PTPRG: variants seen among roughly 807,000 people sequenced by gnomAD.
PTPRG encodes the protein protein tyrosine phosphatase receptor type G.
In PTPRG, 102 loss-of-function variants were observed where a neutral mutation model predicts 165.3. The observed-to-expected ratio is 0.62, with a 90% CI of 0.53 to 0.73. PTPRG has a LOEUF of 0.73. Ranked by LOEUF, PTPRG falls within the 30% of genes least tolerant of loss-of-function variation. The pLI is 0.00. For missense variants in PTPRG, 1,866 were observed against 1,861.4 expected (o/e 1.00, Z -0.05); for synonymous variants, 675 against 669.5 (o/e 1.01, Z -0.13).
intron 4 of PTPRG, among the ~76,000 whole-genome samples, chr3:62,025,095 G>A (rs899122723): frequency 1.3e-5 from 2 of 152,130 alleles, no homozygotes; most frequent in African/African-American, 4.8e-5. Flanking sequence ...TCCAGTTTTC[G>A]TATGTGGGCA....
chr3:61,783,812 A>G (rs2034613238), intron 2 of PTPRG, among the ~76,000 whole-genome samples: 1 of 152,184 alleles, frequency 6.6e-6, no homozygotes, highest in African/African-American at 2.4e-5. Context: ...CTTGGGTTGC[A>G]TATCGGGGCC....
At chr3:61,963,603 A>C (rs375803617) in intron 2 of PTPRG, among the ~76,000 whole-genome samples, 1 of 152,198 alleles carries the variant, frequency 6.6e-6, no homozygotes, top group African/African-American at 2.4e-5. Flanking sequence ...GAATTTAAAG[A>C]CAGTATTTTA....
rs549467566 is a variant in PTPRG at position 62,013,051 on chromosome 3, ATTATT to A, written c.519+9568_519+9572del. On this transcript the variant is annotated intron_variant, in intron 4 of 29. Coordinates refer to ENST00000474889, the MANE Select transcript of PTPRG (RefSeq NM_002841.4). Reference sequence around the variant, plus strand: ...CCTTAAAAGAGGTAAAAAGGAAGATATTATTTTATTTTATTTTAACAAATATTTTT... The same window carrying A: ...CCTTAAAAGAGGTAAAAAGGAAGATATTATTTTATTTTAACAAATATTTTT... Among the ~76,000 whole-genome samples the A allele has an allele frequency of 3.5e-3, 538 of 152,252 alleles. 2 individuals are homozygous for A. Among genetic ancestry groups the A allele is most frequent in the Non-Finnish European group, 4.9e-3 (334 of 68,012 alleles).
At chr3:62,250,737 T>C (rs1576178924) in intron 15 of PTPRG, among the ~76,000 whole-genome samples, 1 of 152,190 alleles carries the variant, frequency 6.6e-6, no homozygotes, top group Non-Finnish European at 1.5e-5. Flanking sequence ...GTCAGCGTTA[T>C]CTCAGCTTTG....
intron 4 of PTPRG, among the ~76,000 whole-genome samples, chr3:62,022,291 A>G (rs1422679861): frequency 6.6e-6 from 1 of 152,244 alleles, no homozygotes; most frequent in Non-Finnish European, 1.5e-5. Context: ...TCAACATGTG[A>G]GAAGTCTTCC....
intron 28 of PTPRG, among the ~76,000 whole-genome samples, chr3:62,286,497 A>T (rs1012321858): frequency 1.3e-5 from 2 of 152,138 alleles, no homozygotes; most frequent in African/African-American, 4.8e-5. Flanking sequence ...TTAAATGCTC[A>T]CAGGTATTAT....
chr3:62,129,464 G>T (rs1703435355), intron 5 of PTPRG, among the ~76,000 whole-genome samples: 1 of 151,900 alleles, frequency 6.6e-6, no homozygotes, highest in African/African-American at 2.4e-5. Flanking sequence ...AGGCTGAGAA[G>T]TCCAAGAGAA....
chr3:62,139,936 G>C (rs1703860125), intron 6 of PTPRG, among the ~76,000 whole-genome samples: 1 of 152,234 alleles, frequency 6.6e-6, no homozygotes, highest in South Asian at 2.1e-4. Flanking sequence ...CATTTCCAGA[G>C]AGTGGAGAAA....
chr3:61,914,580 C>T (rs2038886204), intron 2 of PTPRG, among the ~76,000 whole-genome samples: 1 of 152,154 alleles, frequency 6.6e-6, no homozygotes, highest in Non-Finnish European at 1.5e-5. Flanking sequence ...TTAGTTAGAA[C>T]GGTCTTGGCC....
intron 5 of PTPRG, among the ~76,000 whole-genome samples, chr3:62,101,948 A>G (rs1191264354): frequency 6.6e-6 from 1 of 152,228 alleles, no homozygotes; most frequent in Non-Finnish European, 1.5e-5. Context: ...GATGTAAGCC[A>G]AAGAAAAAGT....
intron 2 of PTPRG, among the ~76,000 whole-genome samples, chr3:61,942,731 T>A (rs188616932): frequency 1.3e-5 from 2 of 152,380 alleles, no homozygotes; most frequent in East Asian, 3.9e-4. Context: ...CATTTATGTT[T>A]ACTGTAACAT....
At chr3:61,797,463 A>G (rs2035083263) in intron 2 of PTPRG, among the ~76,000 whole-genome samples, 1 of 152,142 alleles carries the variant, frequency 6.6e-6, no homozygotes, top group African/African-American at 2.4e-5. Flanking sequence ...TAACTAAGAA[A>G]AAAATGTTGA....
chr3:61,894,335 G>T, intron 2 of PTPRG, among the ~76,000 whole-genome samples: 2 of 85,332 alleles, frequency 2.3e-5, no homozygotes, highest in South Asian at 3.7e-4. Context: ...AAAAAAAAAA[G>T]GTCAGCTTTT....
At chr3:61,680,529 C>A (rs1418729597) in intron 1 of PTPRG, among the ~76,000 whole-genome samples, 1,419 of 85,064 alleles carry the variant, frequency 0.017, 29 homozygotes, top group East Asian at 0.03. Flanking sequence ...CACAAAAAAA[C>A]AGCATGGGAG....
Position 62,273,681 on chromosome 3 carries a change from T to C in PTPRG, c.3319-17T>C, listed in dbSNP as rs774329401. 9 of 1,612,268 alleles carry C rather than the reference T, an allele frequency of 5.6e-6. No homozygotes were observed. The highest frequency in any genetic ancestry group is 1.1e-5 in the South Asian group (1 of 91,022). On this transcript the variant is annotated splice_polypyrimidine_tract_variant and intron_variant, in intron 22 of 29. Transcript: ENST00000474889. This position sits in a 1 kb window ranked among gnomAD's most constrained non-coding sequence, Gnocchi z 4.1. Reference sequence around the variant, plus strand: ...CTTAACACTCCCTCAGTGACTACCATGTATTGTACCTCTTAGGAGCAGTAC... The same window carrying C: ...CTTAACACTCCCTCAGTGACTACCACGTATTGTACCTCTTAGGAGCAGTAC...
intron 2 of PTPRG, among the ~76,000 whole-genome samples, chr3:61,782,043 C>T (rs1326374722): frequency 6.6e-6 from 1 of 152,138 alleles, no homozygotes; most frequent in Non-Finnish European, 1.5e-5. Context: ...TTCAGCTCAG[C>T]AGGACATGAC....
chr3:62,208,125 G>A lies in PTPRG; in HGVS notation c.2155+4175G>A, dbSNP rs543237679. ...ACCTCTACTGTAGTGTTGATTGCTA[G>A]AGTTGCAACTTCCTGAGAAGCCTTT... On this transcript the variant is annotated intron_variant, in intron 12 of 29. Transcript: ENST00000474889. Among the ~76,000 whole-genome samples the A allele has an allele frequency of 2.0e-3, 300 of 152,316 alleles. 1 individual carries two copies. The highest frequency in any genetic ancestry group is 7.0e-3 in the African/African-American group (292 of 41,578).
intron 2 of PTPRG, among the ~76,000 whole-genome samples, chr3:61,814,629 G>T (rs2035700293): frequency 6.6e-6 from 1 of 151,888 alleles, no homozygotes. Context: ...TTAAATGTCA[G>T]TAGTAGCTAC....
At chr3:62,050,730 G>A (rs1257197817) in intron 4 of PTPRG, among the ~76,000 whole-genome samples, 2 of 152,208 alleles carry the variant, frequency 1.3e-5, no homozygotes, top group Non-Finnish European at 2.9e-5. Context: ...GGTATCATTG[G>A]TTTCTAGCCA....
Sources: allele counts gnomAD v4.1 joint callset (sites outside exome capture counted in the v4.1 genomes callset), GRCh38; gene constraint gnomAD v4.1.1; non-coding constraint Gnocchi (gnomAD v3.1); transcripts MANE v1.5; gene names NCBI Gene and HGNC (gene_info 2026-07-23, HGNC 2026-07-21).